The following TNFSF4 variants were observed in gnomAD, a reference collection of about 807,000 sequenced individuals.
TNFSF4 encodes the protein TNF superfamily member 4.
A neutral mutation model predicts 7.3 loss-of-function variants in TNFSF4; 4 were observed. The ratio of observed to expected loss-of-function variants is 0.55; its 90% confidence interval spans 0.27 to 1.25. TNFSF4 has a LOEUF of 1.25. TNFSF4 is among the 50% of genes most tolerant of loss of function. The pLI is 0.12. For missense variants in TNFSF4, 181 were observed against 208.8 expected (o/e 0.87, Z 0.82); for synonymous variants, 76 against 83.7 (o/e 0.91, Z 0.50).
chr1:173,187,061 A>T (rs1557877809), intron 2 of TNFSF4, among the ~76,000 whole-genome samples, 196 bp from the exon 3 acceptor site: 1 of 152,064 alleles, frequency 6.6e-6, no homozygotes, highest in Non-Finnish European at 1.5e-5. Context: ...AAACAAAAAA[A>T]AAAAAGAAAA....
At chr1:173,412,351 A>G in the TNFSF4 span, among the ~76,000 whole-genome samples, 1 of 152,322 alleles carries the variant, frequency 6.6e-6, no homozygotes, top group Non-Finnish European at 1.5e-5. Flanking sequence ...TCTCAAATGC[A>G]ACAAAAACAT....
At chr1:173,190,443 A>G (rs1391143599) in intron 1 of TNFSF4, among the ~76,000 whole-genome samples, 1 of 152,204 alleles carries the variant, frequency 6.6e-6, no homozygotes, top group African/African-American at 2.4e-5. Flanking sequence ...AAGCCTTACC[A>G]GCTAAAACCA....
the TNFSF4 span, among the ~76,000 whole-genome samples, chr1:173,367,573 G>A: frequency 6.6e-6 from 1 of 152,166 alleles, no homozygotes; most frequent in Admixed American, 6.5e-5. Context: ...AAGAGTCAGG[G>A]GGTTTATGGA....
At chr1:173,262,974 C>A in the TNFSF4 span, among the ~76,000 whole-genome samples, 4 of 152,166 alleles carry the variant, frequency 2.6e-5, no homozygotes, top group African/African-American at 9.7e-5. Context: ...AAAATCACTA[C>A]CCATTCCTAT....
At chr1:173,394,299 C>A in the TNFSF4 span, among the ~76,000 whole-genome samples, 1 of 150,678 alleles carries the variant, frequency 6.6e-6, no homozygotes, top group African/African-American at 2.4e-5. Context: ...TTGATCCTGA[C>A]TTGAGGACTG....
the TNFSF4 span, among the ~76,000 whole-genome samples, chr1:173,435,244 C>A: frequency 6.6e-6 from 1 of 152,098 alleles, no homozygotes; most frequent in African/African-American, 2.4e-5. Context: ...TAGATATGAC[C>A]CAGAGAGCTG....
downstream of TNFSF4, among the ~76,000 whole-genome samples, chr1:173,180,201 G>GT (rs1649027260): frequency 6.6e-6 from 1 of 152,068 alleles, no homozygotes; most frequent in South Asian, 2.1e-4. Flanking sequence ...AGTGCTATTA[G>GT]TTTTTTATTC....
chr1:173,405,583 AGTATACACACATTATTAAT>A, the TNFSF4 span, among the ~76,000 whole-genome samples: 1 of 152,202 alleles, frequency 6.6e-6, no homozygotes, highest in East Asian at 1.9e-4. Flanking sequence ...TATACAATCA[AGTATACACACATTATTAAT>A]GTGTTTGCCA....
intron 1 of TNFSF4, among the ~76,000 whole-genome samples, chr1:173,196,514 C>T (rs1649704357): frequency 1.3e-5 from 2 of 152,152 alleles, no homozygotes; most frequent in South Asian, 2.1e-4. Flanking sequence ...CTAACCACTT[C>T]CACTCTTCTC....
chr1:173,444,303 C>T, the TNFSF4 span, among the ~76,000 whole-genome samples: 6 of 152,226 alleles, frequency 3.9e-5, no homozygotes, highest in East Asian at 1.2e-3. Flanking sequence ...CGTATCTGTA[C>T]ACATACTCTG....
chr1:173,271,217 TG>T, the TNFSF4 span, among the ~76,000 whole-genome samples: 7 of 152,206 alleles, frequency 4.6e-5, no homozygotes, highest in African/African-American at 1.7e-4. Context: ...AAGTCATTCT[TG>T]CCCATGCCTA....
chr1:173,180,957 T>G (rs1290108153), downstream of TNFSF4, among the ~76,000 whole-genome samples: 1 of 152,150 alleles, frequency 6.6e-6, no homozygotes, highest in Admixed American at 6.6e-5. Context: ...GCATAGCATA[T>G]AGTAGAAGCA....
At chr1:173,188,860 G>A (rs571374280) in intron 1 of TNFSF4, among the ~76,000 whole-genome samples, 58 of 152,106 alleles carry the variant, frequency 3.8e-4, no homozygotes, top group Non-Finnish European at 6.9e-4. Context: ...CTATAGGCAC[G>A]CACCACCACA....
At chr1:173,235,857 A>T in the TNFSF4 span, among the ~76,000 whole-genome samples, 2 of 152,228 alleles carry the variant, frequency 1.3e-5, no homozygotes, top group African/African-American at 4.8e-5. Context: ...TCTAGAGCTT[A>T]TTCATCTTGC....
chr1:173,303,769 A>G, the TNFSF4 span, among the ~76,000 whole-genome samples: 2 of 151,940 alleles, frequency 1.3e-5, no homozygotes, highest in African/African-American at 4.8e-5. Context: ...ATAACTAAAT[A>G]TTATATTATT....
At chr1:173,286,994 A>T in the TNFSF4 span, among the ~76,000 whole-genome samples, 1 of 152,164 alleles carries the variant, frequency 6.6e-6, no homozygotes, top group African/African-American at 2.4e-5. Flanking sequence ...TGTGCCCAGC[A>T]TCCATAGTCA....
the TNFSF4 span, among the ~76,000 whole-genome samples, chr1:173,232,805 C>A: frequency 6.6e-6 from 1 of 152,134 alleles, no homozygotes; most frequent in Non-Finnish European, 1.5e-5. Context: ...AGCCTTGCAT[C>A]CCAGGGATGA....
At chr1:173,323,275 G>C in the TNFSF4 span, among the ~76,000 whole-genome samples, 2 of 152,222 alleles carry the variant, frequency 1.3e-5, no homozygotes, top group Admixed American at 1.3e-4. Context: ...CAGGCAAACA[G>C]GGTCTGGAGT....
the TNFSF4 span, among the ~76,000 whole-genome samples, chr1:173,273,128 T>A: frequency 1.3e-5 from 2 of 152,272 alleles, no homozygotes; most frequent in East Asian, 3.9e-4. Flanking sequence ...TCTGCCACGG[T>A]GGGCTTCATA....
Sources: gnomAD v4.1 joint callset for allele counts (sites outside exome capture counted in the v4.1 genomes callset) on GRCh38, gnomAD v4.1.1 for gene constraint, MANE v1.5 for transcripts, NCBI Gene and HGNC (gene_info 2026-07-23, HGNC 2026-07-21) for gene names.